Variants in GRM7 observed in about 807,000 individuals in gnomAD.
GRM7 encodes glutamate metabotropic receptor 7, also known as metabotropic glutamate receptor 7.
A neutral mutation model predicts 84.5 loss-of-function variants in GRM7; 35 were observed. That is an observed-to-expected ratio of 0.41 (90% CI 0.32 to 0.55). The LOEUF is 0.55. Among genes scored for constraint, GRM7 ranks in the 20% least tolerant of loss-of-function variants. The pLI, the probability that GRM7 is intolerant of heterozygous loss-of-function variation, is 0.19. For missense variants in GRM7, 1,003 were observed against 1,194.6 expected, an observed-to-expected ratio of 0.84 and a Z score of 2.36; for synonymous variants, 487 against 455.1, an observed-to-expected ratio of 1.07 and a Z score of -0.89.
chr3:7,241,070 A>G (rs1697541810), intron 2 of GRM7, among the ~76,000 whole-genome samples: 1 of 152,280 alleles, frequency 6.6e-6, no homozygotes, highest in Non-Finnish European at 1.5e-5. Context: ...CACTCAGAAC[A>G]TACCCCCATT....
chr3:7,376,261 C>T (rs995321075), intron 4 of GRM7, among the ~76,000 whole-genome samples: 1 of 152,090 alleles, frequency 6.6e-6, no homozygotes, highest in African/African-American at 2.4e-5. Context: ...TGGATGTTGC[C>T]TCTCCTCTCT....
At chr3:7,039,264 G>A (rs1038051305) in intron 1 of GRM7, among the ~76,000 whole-genome samples, 3 of 152,120 alleles carry the variant, frequency 2.0e-5, no homozygotes, top group South Asian at 2.1e-4. Flanking sequence ...GAGAAGATCC[G>A]ACTTCTGAAT....
intron 1 of GRM7, among the ~76,000 whole-genome samples, chr3:6,931,251 G>A (rs1030375122): frequency 2.0e-5 from 3 of 152,132 alleles, no homozygotes; most frequent in Non-Finnish European, 4.4e-5. Flanking sequence ...GAAGAGTTCA[G>A]AACATGTCAA....
chr3:7,284,351 G>T (rs1241564920), intron 2 of GRM7, among the ~76,000 whole-genome samples: 1 of 151,350 alleles, frequency 6.6e-6, no homozygotes, highest in Non-Finnish European at 1.5e-5. Flanking sequence ...CACTAGTACA[G>T]ACAATCAATA....
chr3:7,518,694 T>C (rs76565209), intron 7 of GRM7, among the ~76,000 whole-genome samples: 2,486 of 152,318 alleles, frequency 0.016, 40 homozygotes, highest in Non-Finnish European at 0.026. Flanking sequence ...GATCATACTC[T>C]TAAGAAGCCA....
chr3:7,569,598 T>A (rs1694537145), intron 7 of GRM7, among the ~76,000 whole-genome samples: 1 of 152,042 alleles, frequency 6.6e-6, no homozygotes, highest in Non-Finnish European at 1.5e-5. Context: ...GAAGCTTTGT[T>A]CTTTCGCTCT....
chr3:7,351,351 AAAAAAAAAAAAAC>A (rs1264941006), intron 4 of GRM7, among the ~76,000 whole-genome samples: 1 of 150,414 alleles, frequency 6.6e-6, no homozygotes, highest in African/African-American at 2.5e-5. Flanking sequence ...AAAAAAAAAA[AAAAAAAAAAAAAC>A]AACTGACTTA....
intron 1 of GRM7, among the ~76,000 whole-genome samples, chr3:7,142,905 TGAG>T (rs1574955825): frequency 6.6e-6 from 1 of 152,150 alleles, no homozygotes; most frequent in African/African-American, 2.4e-5. Context: ...CAAATTTTTA[TGAG>T]GAGAAAAGAA....
At chr3:7,628,162 GTCT>G (rs1251628644) in intron 8 of GRM7, among the ~76,000 whole-genome samples, 2 of 152,028 alleles carry the variant, frequency 1.3e-5, no homozygotes, top group African/African-American at 4.8e-5. Context: ...GATATTTAGA[GTCT>G]TCTTCTCTTC....
intron 8 of GRM7, among the ~76,000 whole-genome samples, chr3:7,658,811 CCAA>C (rs1452694439): frequency 6.6e-6 from 1 of 152,148 alleles, no homozygotes; most frequent in Non-Finnish European, 1.5e-5. Flanking sequence ...TTGAACTCTT[CCAA>C]CAATTTTCCA....
chr3:7,166,472 T>C (rs112401447), intron 2 of GRM7, among the ~76,000 whole-genome samples: 1,739 of 152,254 alleles, frequency 0.011, 26 homozygotes, highest in African/African-American at 0.037. Flanking sequence ...TTCTGAGATA[T>C]CAAACTCACG....
chr3:6,942,055 A>C (rs1697912547), intron 1 of GRM7, among the ~76,000 whole-genome samples: 1 of 152,206 alleles, frequency 6.6e-6, no homozygotes. Flanking sequence ...GGGTAAATCC[A>C]AGTGTTAATC....
At chr3:7,168,177 C>A (rs1694867039) in intron 2 of GRM7, among the ~76,000 whole-genome samples, 2 of 151,972 alleles carry the variant, frequency 1.3e-5, no homozygotes. Flanking sequence ...ATAAGCATTG[C>A]CTTTTCGTAG....
chr3:7,642,143 G>A (rs1402112570), intron 8 of GRM7, among the ~76,000 whole-genome samples: 3 of 152,086 alleles, frequency 2.0e-5, no homozygotes, highest in Non-Finnish European at 4.4e-5. Context: ...AGTGTACATA[G>A]AAATTACCTG....
chr3:7,441,633 A>G (rs1048673568), intron 5 of GRM7, among the ~76,000 whole-genome samples: 2 of 151,832 alleles, frequency 1.3e-5, no homozygotes, highest in African/African-American at 4.8e-5. Context: ...TTAAGTTTTT[A>G]ATATATCTTG....
intron 8 of GRM7, among the ~76,000 whole-genome samples, chr3:7,617,516 T>A (rs1697147708): frequency 6.6e-6 from 1 of 151,962 alleles, no homozygotes; most frequent in African/African-American, 2.4e-5. Context: ...AAGAACTTTC[T>A]AAGTAAAACA....
intron 2 of GRM7, among the ~76,000 whole-genome samples, chr3:7,289,262 A>G (rs1247653797): frequency 6.6e-5 from 10 of 152,324 alleles, no homozygotes; most frequent in African/African-American, 2.4e-4. Flanking sequence ...GACTTCTTGA[A>G]TTAGAGCACA....
At chr3:7,402,000 A>G (rs1214074799) in intron 4 of GRM7, among the ~76,000 whole-genome samples, 1 of 152,130 alleles carries the variant, frequency 6.6e-6, no homozygotes, top group African/African-American at 2.4e-5. Context: ...ATAGATTGGA[A>G]TCAGGTACTT....
rs921021516 is a variant in GRM7 at position 7,164,451 on chromosome 3, G to A, written c.736+17783G>A. 9.2e-5 allele frequency among the ~76,000 whole-genome samples: 14 copies of A among 152,186 alleles called. No homozygotes were observed. The East Asian group carries it at 9.6e-4, about 10-fold the overall frequency. On this transcript the variant is annotated intron_variant, in intron 2 of 9. Transcript: ENST00000357716. ...TTGCATTGGTGAAGGAACAAAGAAT[G>A]CTAAGACTTCTCAAAGTTTCACTTC...
Sources: gnomAD v4.1 joint callset for allele counts (sites outside exome capture counted in the v4.1 genomes callset) on GRCh38, gnomAD v4.1.1 for gene constraint, MANE v1.5 for transcripts, NCBI Gene and HGNC (gene_info 2026-07-23, HGNC 2026-07-21) for gene names.